The following SLC25A32 variants were observed in gnomAD, a reference collection of about 807,000 sequenced individuals.
SLC25A32 encodes the protein solute carrier family 25 member 32.
SLC25A32 carries 32 observed loss-of-function variants against 39.0 expected under a neutral mutation model. The observed-to-expected ratio is 0.82, with a 90% CI of 0.62 to 1.10. The LOEUF is 1.10. SLC25A32 is among the 50% of genes least tolerant of loss of function. The pLI is 0.00. For synonymous variants in SLC25A32, 166 were observed against 152.4 expected, an observed-to-expected ratio of 1.09 and a Z score of -0.66; for missense variants, 367 against 395.3, an observed-to-expected ratio of 0.93 and a Z score of 0.61.
In SLC25A32 at chr8:103,405,486, G is replaced by A. The variant is rs181101783; in HGVS notation, c.306-625C>T. On this transcript the variant is annotated intron_variant, in intron 2 of 6. Transcript: ENST00000297578. ...GAGCATGGTGAAAAGTAATAAGGGT[G>A]GGTGGGAAGACAGGGAAAATTGGCC... is the stretch of plus-strand genomic sequence containing the variant. Among the ~76,000 whole-genome samples the A allele has an allele frequency of 6.6e-5, 10 of 152,262 alleles. No homozygotes were observed. The East Asian group carries it at 1.4e-3, about 21-fold the overall frequency.
At position 103,403,213 on chromosome 8, in the gene SLC25A32, T is replaced by C. The variant is rs368181079; in HGVS notation, c.503A>G (p.Asp168Gly). ...ATACTTATATATTTTCACAAGTGTA[T>C]CAAACATTCCTTTATATTGTCGGTG... ...SPHRQYKGMFDTLVKIYKYEG... is the reference protein window; with the variant it reads ...SPHRQYKGMFGTLVKIYKYEG... The change falls in exon 4 of 7, where the codon GAT becomes GGT. Residue 168 changes from aspartate to glycine, a missense_variant. Coordinates refer to ENST00000297578, the MANE Select transcript of SLC25A32 (RefSeq NM_030780.5). 4 of 1,612,298 alleles carry C rather than the reference T, an allele frequency of 2.5e-6. No individual in the cohort carries two copies. The highest frequency in any genetic ancestry group is 1.3e-5 in the African/African-American group (1 of 74,850).
rs971513571 is a variant in SLC25A32 at position 103,415,061 on chromosome 8, G to A, written c.-124C>T. 3 of 1,602,488 alleles carry A rather than the reference G, an allele frequency of 1.9e-6. No homozygotes were observed. Among genetic ancestry groups the A allele is most frequent in the African/African-American group, 1.3e-5 (1 of 74,510 alleles). On this transcript the variant is annotated 5_prime_UTR_variant, in exon 1 of 7. Coordinates refer to ENST00000297578, the MANE Select transcript of SLC25A32 (RefSeq NM_030780.5). ...ACCCCACCTCCGGGACCAACGAGAGGACTCTTATGCCCAAGGCGCGTGAGC... is the reference window on the plus strand; with the variant it reads ...ACCCCACCTCCGGGACCAACGAGAGAACTCTTATGCCCAAGGCGCGTGAGC...
intron 2 of SLC25A32, among the ~76,000 whole-genome samples, chr8:103,405,356 A>T (rs1206295997): frequency 1.3e-5 from 2 of 152,220 alleles, no homozygotes; most frequent in Non-Finnish European, 2.9e-5. Context: ...AACACAGACA[A>T]TAGAAGAAAT....
chr8:103,406,678 C>G (rs1053330335), intron 2 of SLC25A32, among the ~76,000 whole-genome samples: 3 of 152,222 alleles, frequency 2.0e-5, no homozygotes, highest in Admixed American at 6.5e-5. Flanking sequence ...GCCTCAAACC[C>G]TTTAGGCCAT....
chr8:103,407,850 AG>A (rs1816365764), intron 1 of SLC25A32, 66 bp from the exon 2 acceptor site: 1 of 1,387,472 alleles, frequency 7.2e-7, no homozygotes, highest in Non-Finnish European at 1.0e-6. Flanking sequence ...ATATAAACAC[AG>A]ACACTGTACA....
chr8:103,406,065 G>GTATATATA (rs1554628989), intron 2 of SLC25A32, among the ~76,000 whole-genome samples: 41 of 144,240 alleles, frequency 2.8e-4, no homozygotes, highest in African/African-American at 3.6e-4. Context: ...GTGTGTGTGT[G>GTATATATA]TATATATATA....
intron 2 of SLC25A32, among the ~76,000 whole-genome samples, chr8:103,406,899 C>G (rs985085272): frequency 6.6e-6 from 1 of 152,098 alleles, no homozygotes; most frequent in Non-Finnish European, 1.5e-5. Context: ...TGGGACACTC[C>G]GGAACTAATC....
In SLC25A32 at chr8:103,400,139, T is replaced by C. The variant is rs1318281846; in HGVS notation, c.*272A>G. The C allele has an allele frequency of 1.5e-5, 6 of 406,430 alleles. No individual in the cohort carries two copies. The highest frequency in any genetic ancestry group is 9.9e-5 in the East Asian group (2 of 20,284). 25.2% of individuals were successfully genotyped at this position (406,430 alleles called of 1,614,324 possible). A position where few individuals can be genotyped will look rare whatever the true frequency, so the allele number is the denominator to read the frequency against. ...CAAATCAGCTTCCACCAATAAAACG[T>C]AGAAATCTGTGAAACTCTATCCTTC... On this transcript the variant is annotated 3_prime_UTR_variant, in exon 7 of 7. Coordinates refer to ENST00000297578, the MANE Select transcript of SLC25A32 (RefSeq NM_030780.5).
intron 1 of SLC25A32, among the ~76,000 whole-genome samples, chr8:103,413,185 T>C (rs985806488): frequency 6.6e-6 from 1 of 152,238 alleles, no homozygotes; most frequent in African/African-American, 2.4e-5. Flanking sequence ...AGGAATGATA[T>C]GCTTCAAAGC....
chr8:103,401,426 G>C, intron 6 of SLC25A32, 90 bp downstream of exon 6: 2 of 1,202,038 alleles, frequency 1.7e-6, no homozygotes, highest in Non-Finnish European at 2.3e-6. Flanking sequence ...CAGCAAACTG[G>C]CCTTTGCTAT....
At chr8:103,403,378 G>T in intron 3 of SLC25A32, 54 bp from the exon 4 acceptor site, 15 of 801,060 alleles carry the variant, frequency 1.9e-5, no homozygotes, top group South Asian at 3.0e-5. Flanking sequence ...TCGCACTTAT[G>T]ACAACCCAAA....
At chr8:103,404,985 A>G in intron 2 of SLC25A32, 124 bp from the exon 3 acceptor site, 2 of 520,788 alleles carry the variant, frequency 3.8e-6, no homozygotes, top group Non-Finnish European at 3.3e-6. Context: ...CCACAAAATG[A>G]GACCTTTTTC....
intron 4 of SLC25A32, 177 bp from the exon 5 acceptor site, chr8:103,402,231 T>C: frequency 2.1e-6 from 1 of 479,678 alleles, no homozygotes; most frequent in South Asian, 3.6e-5. Flanking sequence ...ACATGGGTAG[T>C]ATTCTCTTCT....
chr8:103,401,646 T>A lies in SLC25A32; in HGVS notation c.682A>T (p.Ile228Leu), dbSNP rs763585056. The change falls in exon 6 of 7, where the codon ATA becomes TTA. Residue 228 changes from isoleucine to leucine, a missense_variant. Coordinates refer to ENST00000297578, the MANE Select transcript of SLC25A32 (RefSeq NM_030780.5). The stretch of plus-strand genomic sequence containing the variant: ...ATTTTGGATAGTGCTGCAACAGATA[T>A]ATATTCTACTGTGCTCTAAAATGGC... The part of the protein sequence containing the change: ...PEAQLSTVEY[I>L]SVAALSKIFA... 1.9e-6 allele frequency: 3 copies of A among 1,609,912 alleles called. No homozygotes were observed. The highest frequency in any genetic ancestry group is 2.5e-6 in the Non-Finnish European group (3 of 1,178,200).
Position 103,415,079 on chromosome 8 carries a change from G to A in SLC25A32, c.-142C>T. 1 of 1,609,442 alleles carries A rather than the reference G, an allele frequency of 6.2e-7. No individual in the cohort carries two copies. Among genetic ancestry groups the A allele is most frequent in the Non-Finnish European group, 8.5e-7 (1 of 1,178,300 alleles). ...ACGAGAGGACTCTTATGCCCAAGGC[G>A]CGTGAGCGAAGCCGGAGACTCTAGT... On this transcript the variant is annotated 5_prime_UTR_variant, in exon 1 of 7. Coordinates refer to ENST00000297578, the MANE Select transcript of SLC25A32 (RefSeq NM_030780.5).
intron 1 of SLC25A32, among the ~76,000 whole-genome samples, chr8:103,410,719 A>G (rs1419387940): frequency 1.3e-5 from 2 of 152,210 alleles, no homozygotes; most frequent in African/African-American, 4.8e-5. Context: ...CAAATAACTT[A>G]CAATGGCCTA....
intron 1 of SLC25A32, among the ~76,000 whole-genome samples, chr8:103,412,767 G>A (rs1208088258): frequency 6.6e-6 from 1 of 152,100 alleles, no homozygotes; most frequent in African/African-American, 2.4e-5. Flanking sequence ...ACACCTCTGA[G>A]TTCCAATTTA....
intron 1 of SLC25A32, chr8:103,414,576 G>GC (rs916053816): frequency 3.1e-6 from 2 of 640,478 alleles, no homozygotes; most frequent in South Asian, 2.0e-5. Context: ...CTACATACAT[G>GC]CCCCCTCTCT....
Position 103,403,276 on chromosome 8 carries a change from C to T in SLC25A32, c.440G>A (p.Arg147His), listed in dbSNP as rs142329098. Residue 147 changes from arginine to histidine, a missense_variant, in exon 4 of 7, where the codon CGC (arginine) becomes CAC (histidine). Arg to His is a conservative substitution (Grantham distance 29). Coordinates refer to ENST00000297578, the MANE Select transcript of SLC25A32 (RefSeq NM_030780.5). ...AACAGCATCATACTGTAACATAAGG[C>T]GAGTTTTTGTTACCCATAATGGGTT... Reference protein sequence around the residue: ...ITNPLWVTKTRLMLQYDAVVN... With the variant: ...ITNPLWVTKTHLMLQYDAVVN... The T allele has an allele frequency of 1.7e-4, 276 of 1,612,240 alleles. No individual in the cohort carries two copies. The highest frequency in any genetic ancestry group is 2.9e-4 in the African/African-American group (22 of 74,888).
Sources: gnomAD v4.1 joint callset for allele counts (sites outside exome capture counted in the v4.1 genomes callset) on GRCh38, gnomAD v4.1.1 for gene constraint, MANE v1.5 for transcripts, NCBI Gene and HGNC (gene_info 2026-07-23, HGNC 2026-07-21) for gene names.